Variants in VGLL4 observed in about 807,000 individuals in gnomAD.
VGLL4 encodes the protein transcription cofactor vestigial-like protein 4.
Under a neutral mutation model 21.0 loss-of-function variants are expected in VGLL4, and 7 were observed. That is an observed-to-expected ratio of 0.33 (90% CI 0.19 to 0.63). The LOEUF is 0.63. VGLL4 is among the 20% of genes least tolerant of loss of function. VGLL4 has a pLI of 0.78. For synonymous variants in VGLL4, 222 were observed against 173.2 expected (o/e 1.28, Z -2.21); for missense variants, 394 against 425.7 (o/e 0.93, Z 0.66).
At chr3:11,721,337 T>C (rs1575563618), upstream of VGLL4, 1 of 152,204 alleles carries the variant, frequency 6.6e-6, no homozygotes, top group East Asian at 1.9e-4. Flanking sequence ...TAGTTCCATG[T>C]TTCAGTGAGA....
chr3:11,584,353 C>A (rs1383510286), intron 2 of VGLL4, among the ~76,000 whole-genome samples: 5 of 149,636 alleles, frequency 3.3e-5, no homozygotes, highest in South Asian at 2.2e-4. Flanking sequence ...AACAAACAAA[C>A]AAAAAAACAC....
At chr3:11,656,139 T>C (rs552251902) in intron 2 of VGLL4, among the ~76,000 whole-genome samples, 1 of 152,188 alleles carries the variant, frequency 6.6e-6, no homozygotes, top group African/African-American at 2.4e-5. Flanking sequence ...ACATGGTCTA[T>C]TGCCATACAA....
At chr3:11,571,403 G>T (rs1391385438) in intron 2 of VGLL4, among the ~76,000 whole-genome samples, 1 of 152,180 alleles carries the variant, frequency 6.6e-6, no homozygotes, top group Non-Finnish European at 1.5e-5. Flanking sequence ...CCATAAAGGG[G>T]CCAGGTGCAG....
rs781630897 is a variant in VGLL4 at position 11,601,882 on chromosome 3, A to G, written c.223T>C (p.Cys75Arg). Residue 75 changes from cysteine to arginine, a missense_variant, in exon 2 of 5, where the codon TGT becomes CGT. By Grantham distance (180) the Cys-to-Arg change is radical. Transcript: ENST00000430365. ...ATTTTGGAGACGTGGTCGTTGTCAC[A>G]GTCTAGGTCCTCGTCACCTGGCTCC... ...SMEPGDEDLD[C>R]DNDHVSKMSR... 1.9e-6 allele frequency: 3 copies of G among 1,613,702 alleles called. No individual in the cohort carries two copies. Among genetic ancestry groups the G allele is most frequent in the Admixed American group, 3.3e-5 (2 of 59,924 alleles).
intron 2 of VGLL4, chr3:11,693,170 CAA>C (rs538382229): frequency 2.7e-3 from 379 of 140,426 alleles, no homozygotes; most frequent in South Asian, 0.011. Context: ...GACCCTGTCT[CAA>C]AAAAAAAAAA....
chr3:11,692,505 C>T (rs767034941), intron 2 of VGLL4, among the ~76,000 whole-genome samples: 10 of 152,124 alleles, frequency 6.6e-5, no homozygotes, highest in Non-Finnish European at 7.4e-5. Flanking sequence ...CTGAAAGCGC[C>T]GACTTTTAGA....
intron 2 of VGLL4, among the ~76,000 whole-genome samples, chr3:11,657,808 G>GTACA (rs2075978691): frequency 6.6e-6 from 1 of 152,126 alleles, no homozygotes; most frequent in Non-Finnish European, 1.5e-5. Context: ...GTGCCCTATG[G>GTACA]TACAGGCTGC....
At chr3:11,634,564 G>A (rs529934251) in intron 1 of VGLL4, among the ~76,000 whole-genome samples, 81 of 152,156 alleles carry the variant, frequency 5.3e-4, no homozygotes, top group Non-Finnish European at 8.7e-4. Flanking sequence ...ATCAGCCTGC[G>A]TCACCCTTTT....
intron 4 of VGLL4, among the ~76,000 whole-genome samples, 153 bp downstream of exon 4, chr3:11,559,179 G>A (rs59988019): frequency 2.0e-4 from 30 of 152,358 alleles, no homozygotes; most frequent in African/African-American, 5.8e-4. Context: ...CATGCGCAAC[G>A]CTAGGCGCAC....
At chr3:11,602,069 CA>C in intron 1 of VGLL4, 47 bp from the exon 2 acceptor site, 1 of 1,454,846 alleles carries the variant, frequency 6.9e-7, no homozygotes, top group East Asian at 2.6e-5. Context: ...GAAAGGCCCC[CA>C]TCTCAGTCCC....
chr3:11,630,666 A>T (rs1162123446), intron 1 of VGLL4, among the ~76,000 whole-genome samples: 1 of 152,194 alleles, frequency 6.6e-6, no homozygotes, highest in Admixed American at 6.5e-5. Flanking sequence ...AAATAAAAAA[A>T]TAAATAAAGA....
intron 2 of VGLL4, among the ~76,000 whole-genome samples, chr3:11,696,914 T>A (rs534314309): frequency 6.6e-6 from 1 of 152,236 alleles, no homozygotes; most frequent in South Asian, 2.1e-4. Flanking sequence ...ACCTAATTTT[T>A]AAATTTTTTG....
intron 2 of VGLL4, among the ~76,000 whole-genome samples, chr3:11,694,860 T>C (rs2076581923): frequency 6.6e-6 from 1 of 152,180 alleles, no homozygotes; most frequent in Non-Finnish European, 1.5e-5. Flanking sequence ...AGAGGTTTGG[T>C]TGCAGCAGAT....
intron 2 of VGLL4, among the ~76,000 whole-genome samples, chr3:11,652,364 T>C (rs1283095925): frequency 6.6e-6 from 1 of 152,238 alleles, no homozygotes; most frequent in Non-Finnish European, 1.5e-5. Context: ...GAAATGTGCT[T>C]TCACATAAAT....
chr3:11,587,896 G>A (rs76096270), intron 2 of VGLL4, among the ~76,000 whole-genome samples: 2,026 of 152,348 alleles, frequency 0.013, 19 homozygotes, highest in South Asian at 0.03. Flanking sequence ...ATCACGTGCC[G>A]TGAAAGAAGC....
chr3:11,686,455 A>G (rs1378076087), intron 2 of VGLL4, among the ~76,000 whole-genome samples: 1 of 152,224 alleles, frequency 6.6e-6, no homozygotes, highest in African/African-American at 2.4e-5. Flanking sequence ...AGTACCCAGA[A>G]TAGTCAAATT....
At chr3:11,627,148 A>G (rs1478270521) in intron 1 of VGLL4, among the ~76,000 whole-genome samples, 1 of 151,938 alleles carries the variant, frequency 6.6e-6, no homozygotes, top group African/African-American at 2.4e-5. Context: ...TCTTCACTTT[A>G]TAGGCATACT....
intron 2 of VGLL4, among the ~76,000 whole-genome samples, chr3:11,694,616 T>C (rs950237788): frequency 2.7e-5 from 4 of 149,358 alleles, no homozygotes; most frequent in Non-Finnish European, 5.9e-5. Context: ...TGAGACACTG[T>C]CTCAAAAAAA....
chr3:11,717,162 T>A (rs1030958088), intron 1 of VGLL4, among the ~76,000 whole-genome samples: 1 of 151,562 alleles, frequency 6.6e-6, no homozygotes, highest in African/African-American at 2.4e-5. Context: ...AACATGTTTT[T>A]ATATATTTTT....
Sources: gnomAD v4.1 joint callset for allele counts (sites outside exome capture counted in the v4.1 genomes callset) on GRCh38, gnomAD v4.1.1 for gene constraint, MANE v1.5 for transcripts, NCBI Gene and HGNC (gene_info 2026-07-23, HGNC 2026-07-21) for gene names.